Variants in TET3 observed in about 807,000 individuals in gnomAD.
The protein encoded by TET3 is methylcytosine dioxygenase TET3.
Under a neutral mutation model 141.4 loss-of-function variants are expected in TET3, and 19 were observed. That is an observed-to-expected ratio of 0.13 (90% CI 0.09 to 0.20). The LOEUF (loss-of-function observed/expected upper bound fraction) is 0.20. TET3 is among the 10% of genes least tolerant of loss of function. The pLI is 1.00. For synonymous variants in TET3, 1,043 were observed against 980.9 expected (o/e 1.06, Z -1.18); for missense variants, 1,874 against 2,356.9 (o/e 0.80, Z 4.24).
intron 7 of TET3, among the ~76,000 whole-genome samples, chr2:74,088,458 C>T (rs532645333): frequency 1.6e-4 from 25 of 151,924 alleles, no homozygotes; most frequent in East Asian, 3.9e-4. Flanking sequence ...CTGGCCAATA[C>T]GGTGAAACCC....
chr2:74,069,714 G>A (rs1435748547), intron 4 of TET3, among the ~76,000 whole-genome samples: 3 of 151,916 alleles, frequency 2.0e-5, no homozygotes, highest in Non-Finnish European at 4.4e-5. Flanking sequence ...AGCTTTCCAA[G>A]TAGCTGGGAC....
intron 3 of TET3, among the ~76,000 whole-genome samples, chr2:74,045,850 C>G (rs892733276): frequency 1.3e-5 from 2 of 152,216 alleles, no homozygotes; most frequent in African/African-American, 2.4e-5. Flanking sequence ...CCACACTTCA[C>G]ACTTAGAGCA....
At chr2:74,086,472 A>G (rs1054057854) in intron 6 of TET3, among the ~76,000 whole-genome samples, 1 of 152,160 alleles carries the variant, frequency 6.6e-6, no homozygotes, top group Non-Finnish European at 1.5e-5. Flanking sequence ...TTGGTGTAGT[A>G]CATTTTTAAA....
Position 74,101,286 on chromosome 2 carries a change from G to T in TET3, c.4498G>T (p.Ala1500Ser), listed in dbSNP as rs1193549324. 6.2e-7 allele frequency: 1 copy of T among 1,613,032 alleles called. No individual in the cohort carries two copies. The highest frequency in any genetic ancestry group is 8.5e-7 in the Non-Finnish European group (1 of 1,179,560). Residue 1500 changes from alanine (A) to serine (S), a missense_variant, in exon 12 of 12, where the codon GCA (alanine) becomes TCA (serine). Around this residue, in one of 10 missense-constraint regions of TET3, gnomAD observed 602 missense variants for 590.2 expected, o/e 1.02. Transcript: ENST00000409262. This position sits in a 1 kb window ranked among gnomAD's most constrained non-coding sequence, Gnocchi z 8.5. ...WGLFPGEGQQ[A>S]ASHSGGRLRG... ...GCTGTTCCCCGGTGAGGGGCAGCAG[G>T]CAGCTTCCCACTCTGGAGGACGGCT...
At chr2:74,048,806 G>A (rs923427589) in intron 4 of TET3, among the ~76,000 whole-genome samples, 47 of 152,282 alleles carry the variant, frequency 3.1e-4, no homozygotes, top group African/African-American at 1.1e-3. Flanking sequence ...GACTATTCTT[G>A]GTTCAGGCAG....
At chr2:74,082,165 C>T (rs751039263) in intron 6 of TET3, among the ~76,000 whole-genome samples, 4 of 152,166 alleles carry the variant, frequency 2.6e-5, no homozygotes, top group Non-Finnish European at 5.9e-5. Context: ...CAGTTGGCCC[C>T]TTAAAGAATA....
At chr2:74,066,754 T>C (rs1688927030) in intron 4 of TET3, among the ~76,000 whole-genome samples, 1 of 152,226 alleles carries the variant, frequency 6.6e-6, no homozygotes, top group South Asian at 2.1e-4. Context: ...TAGATCTTCG[T>C]ATCTTGTTTT....
At position 74,107,673 on chromosome 2, in the gene TET3, TG is replaced by T. The variant is rs1691581276; in HGVS notation, c.*5498del. ...ATCTAGAACCCCTGTAGCTTTTTGATGTGTTTTATTTCTTATCTCTTTGAAT... is the reference window on the plus strand; with the variant it reads ...ATCTAGAACCCCTGTAGCTTTTTGATTGTTTTATTTCTTATCTCTTTGAAT... On this transcript the variant is annotated 3_prime_UTR_variant, in exon 12 of 12. Coordinates refer to ENST00000409262, the MANE Select transcript of TET3 (RefSeq NM_001287491.2). The T allele has an allele frequency of 6.6e-6, 1 of 152,200 alleles. No homozygotes were observed. Among genetic ancestry groups the T allele is most frequent in the African/African-American group, 2.4e-5 (1 of 41,452 alleles). The allele number at this position is 152,200 out of a possible 1,614,324, so 9.4% of individuals were successfully genotyped here.
intron 3 of TET3, among the ~76,000 whole-genome samples, chr2:74,010,470 G>T (rs1035833048): frequency 6.6e-6 from 1 of 152,236 alleles, no homozygotes; most frequent in Non-Finnish European, 1.5e-5. Flanking sequence ...CTTGCCAAGA[G>T]TGTTTCCAGG....
chr2:74,053,629 G>A (rs1197693145), intron 4 of TET3, among the ~76,000 whole-genome samples: 1 of 152,188 alleles, frequency 6.6e-6, no homozygotes, highest in African/African-American at 2.4e-5. Context: ...CCCTGAAGAA[G>A]CCACAGGGAA....
intron 5 of TET3, among the ~76,000 whole-genome samples, chr2:74,076,571 C>T (rs559462678): frequency 2.1e-4 from 31 of 149,632 alleles, no homozygotes; most frequent in African/African-American, 4.4e-4. Context: ...AAAATACACA[C>T]GAAACCCCAC....
At chr2:74,060,242 G>C (rs1472797599) in intron 4 of TET3, among the ~76,000 whole-genome samples, 2 of 152,202 alleles carry the variant, frequency 1.3e-5, no homozygotes, top group Non-Finnish European at 2.9e-5. Context: ...TGCCTAATGA[G>C]GGTGAGCAGT....
rs1312715397 is a variant in TET3, at chr2:74,101,608, G to T, written c.4820G>T (p.Ser1607Ile). ...KSEEKLWDPF[S>I]LEEGPAEEPP... ...GAGGAGAAGCTGTGGGACCCCTTCA[G>T]CCTGGAGGAGGGGCCGGCTGAGGAG... Residue 1607 changes from serine (S) to isoleucine (I), a missense_variant, in exon 12 of 12, where the codon AGC becomes ATC. Around this residue, in one of 10 missense-constraint regions of TET3, gnomAD observed 602 missense variants for 590.2 expected, o/e 1.02. Transcript: ENST00000409262. The surrounding 1 kb of genome is among the most constrained non-coding windows in gnomAD (Gnocchi z 8.5). 9 of 1,612,226 alleles carry T rather than the reference G, an allele frequency of 5.6e-6. No individual in the cohort carries two copies. Among genetic ancestry groups the T allele is most frequent in the Non-Finnish European group, 7.6e-6 (9 of 1,179,160 alleles).
At chr2:74,110,952 C>T (rs1691689145), downstream of TET3, among the ~76,000 whole-genome samples, 1 of 152,142 alleles carries the variant, frequency 6.6e-6, no homozygotes, top group Non-Finnish European at 1.5e-5. Flanking sequence ...TTCCTATCAC[C>T]ACCACATATC....
intron 3 of TET3, among the ~76,000 whole-genome samples, chr2:74,032,482 T>TGCAAGAG (rs1208620042): frequency 7.2e-6 from 1 of 138,436 alleles, no homozygotes; most frequent in African/African-American, 3.2e-5. Flanking sequence ...TGTGTGTGTG[T>TGCAAGAG]GTGTGTGTGT....
At position 74,051,588 on chromosome 2, in the gene TET3, C is replaced by G. The variant is rs145057234; in HGVS notation, c.2494+3177C>G. ...AAGGTGGATTGGTGAAGGGTGATAA[C>G]CCTGTGGTAGGAGACCCGTTAGGAA... On this transcript the variant is annotated intron_variant, in intron 4 of 11. Coordinates refer to ENST00000409262, the MANE Select transcript of TET3 (RefSeq NM_001287491.2). Among the ~76,000 whole-genome samples, 6 of 152,278 alleles carry G rather than the reference C, an allele frequency of 3.9e-5. No individual in the cohort carries two copies. The East Asian group carries it at 1.2e-3, about 29-fold the overall frequency.
At chr2:74,059,234 TTTTTA>T (rs1190003297) in intron 4 of TET3, among the ~76,000 whole-genome samples, 1 of 152,196 alleles carries the variant, frequency 6.6e-6, no homozygotes, top group Non-Finnish European at 1.5e-5. Context: ...CTATATTGTG[TTTTTA>T]TTTTATTTAT....
At chr2:74,062,106 G>A (rs1441511304) in intron 4 of TET3, among the ~76,000 whole-genome samples, 1 of 152,118 alleles carries the variant, frequency 6.6e-6, no homozygotes, top group Non-Finnish European at 1.5e-5. Flanking sequence ...CCGAGAGCAC[G>A]CCACTGCACT....
At chr2:74,000,927 C>G (rs988152421) in intron 2 of TET3, among the ~76,000 whole-genome samples, 10 of 152,130 alleles carry the variant, frequency 6.6e-5, no homozygotes, top group Non-Finnish European at 1.5e-4. Context: ...CTAGTTGTTC[C>G]TTTCCAAGCA....
Sources: gnomAD v4.1 joint callset for allele counts (sites outside exome capture counted in the v4.1 genomes callset) on GRCh38, gnomAD v4.1.1 for gene constraint, gnomAD v4.1.1 regional missense constraint, Gnocchi (gnomAD v3.1) non-coding constraint, MANE v1.5 for transcripts, NCBI Gene and HGNC (gene_info 2026-07-23, HGNC 2026-07-21) for gene names.